Variants in RBMS3 observed in about 807,000 individuals in gnomAD.
The protein encoded by RBMS3 is RNA binding motif single stranded interacting protein 3.
RBMS3 carries 27 observed loss-of-function variants against 66.8 expected under a neutral mutation model. That is an observed-to-expected ratio of 0.40 (90% CI 0.30 to 0.56). The LOEUF (loss-of-function observed/expected upper bound fraction) is 0.56. RBMS3 is among the 20% of genes least tolerant of loss of function. The pLI, the probability that RBMS3 is intolerant of heterozygous loss-of-function variation, is 0.40. For missense variants in RBMS3, 513 were observed against 549.5 expected, an observed-to-expected ratio of 0.93 and a Z score of 0.66; for synonymous variants, 188 against 183.0, an observed-to-expected ratio of 1.03 and a Z score of -0.22.
intron 1 of RBMS3, among the ~76,000 whole-genome samples, chr3:29,363,183 G>A (rs2037704130): frequency 6.6e-6 from 1 of 152,110 alleles, no homozygotes; most frequent in Admixed American, 6.6e-5. Flanking sequence ...CAATCCTTCA[G>A]GAGACTTAGT....
intron 2 of RBMS3, among the ~76,000 whole-genome samples, chr3:29,474,839 G>A (rs2042890107): frequency 6.6e-6 from 1 of 152,198 alleles, no homozygotes; most frequent in Non-Finnish European, 1.5e-5. Flanking sequence ...ATTCTTGGCT[G>A]TTGGAATTGC....
At chr3:29,957,300 A>G (rs1374832920) in intron 12 of RBMS3, among the ~76,000 whole-genome samples, 1 of 152,132 alleles carries the variant, frequency 6.6e-6, no homozygotes, top group East Asian at 1.9e-4. Context: ...ATCCAGCAAC[A>G]TCTGGCCCAT....
intron 3 of RBMS3, among the ~76,000 whole-genome samples, chr3:29,503,106 C>G (rs976511724): frequency 1.3e-5 from 2 of 151,942 alleles, no homozygotes; most frequent in African/African-American, 4.8e-5. Context: ...TGGATGAATC[C>G]AGAGATAAAC....
At chr3:29,911,262 C>A (rs1400643888) in intron 10 of RBMS3, among the ~76,000 whole-genome samples, 1 of 152,022 alleles carries the variant, frequency 6.6e-6, no homozygotes, top group Non-Finnish European at 1.5e-5. Flanking sequence ...GGTTTTGGTC[C>A]TATTCACCAT....
intron 3 of RBMS3, among the ~76,000 whole-genome samples, chr3:29,551,724 C>T (rs558359515): frequency 2.6e-5 from 4 of 152,244 alleles, no homozygotes; most frequent in African/African-American, 7.2e-5. Context: ...AGTAATCTGA[C>T]AATTCAAGTG....
rs1372959928 is a variant in RBMS3 at position 29,403,201 on chromosome 3, A to G, written c.76-31542A>G. On this transcript the variant is annotated intron_variant, in intron 1 of 14. Coordinates refer to ENST00000383767, the MANE Select transcript of RBMS3 (RefSeq NM_001003793.3). Reference sequence around the variant, plus strand: ...CTATAGTTCATTAAGAATTGAATATATATTGAATATATTTTCTTATCTTAG... The same window carrying G: ...CTATAGTTCATTAAGAATTGAATATGTATTGAATATATTTTCTTATCTTAG... Among the ~76,000 whole-genome samples, 11 of 152,108 alleles carry G rather than the reference A, an allele frequency of 7.2e-5. 1 individual carries two copies. The highest frequency in any genetic ancestry group is 5.2e-4 in the Admixed American group (8 of 15,262).
chr3:29,933,661 A>G (rs1350596513), intron 10 of RBMS3, among the ~76,000 whole-genome samples: 1 of 152,100 alleles, frequency 6.6e-6, no homozygotes, highest in East Asian at 1.9e-4. Context: ...TTTTTTATTT[A>G]TGTGCAATAA....
chr3:29,300,808 G>A (rs970813695), intron 1 of RBMS3, among the ~76,000 whole-genome samples: 6 of 152,078 alleles, frequency 3.9e-5, no homozygotes, highest in South Asian at 4.1e-4. Context: ...GATGCAATTC[G>A]TAGAAGGAAG....
At chr3:29,811,496 A>G (rs2057727544) in intron 6 of RBMS3, among the ~76,000 whole-genome samples, 1 of 152,190 alleles carries the variant, frequency 6.6e-6, no homozygotes, top group Non-Finnish European at 1.5e-5. Context: ...CTTGAGATTC[A>G]TTAGTGCAAA....
At chr3:29,854,327 G>C (rs769359832) in intron 6 of RBMS3, among the ~76,000 whole-genome samples, 6 of 152,148 alleles carry the variant, frequency 3.9e-5, no homozygotes, top group Non-Finnish European at 7.3e-5. Flanking sequence ...CTAACTATTT[G>C]TATATATAAC....
intron 6 of RBMS3, among the ~76,000 whole-genome samples, chr3:29,863,575 T>C (rs1157744636): frequency 6.6e-6 from 1 of 152,162 alleles, no homozygotes; most frequent in Admixed American, 6.5e-5. Flanking sequence ...TAACTGCTTA[T>C]ACAGATCCCC....
chr3:29,542,456 G>A (rs2045801460), intron 3 of RBMS3, among the ~76,000 whole-genome samples: 1 of 152,098 alleles, frequency 6.6e-6, no homozygotes, highest in South Asian at 2.1e-4. Context: ...CGCCTCCCGG[G>A]ATCAAGCGAT....
rs1458518467 is a variant in RBMS3 at position 29,739,710 on chromosome 3, C to T, written c.400-10C>T. ...AGAACTTACCATATTTGTTACTTTC[C>T]TTCCCTTAGCAACAAGAGCAAGACC... On this transcript the variant is annotated splice_polypyrimidine_tract_variant and intron_variant, in intron 4 of 14. Coordinates refer to ENST00000383767, the MANE Select transcript of RBMS3 (RefSeq NM_001003793.3). The T allele has an allele frequency of 1.3e-6, 2 of 1,574,902 alleles. No individual in the cohort carries two copies. The highest frequency in any genetic ancestry group is 1.4e-5 in the African/African-American group (1 of 72,868).
chr3:29,529,391 G>A (rs187538036), intron 3 of RBMS3, among the ~76,000 whole-genome samples: 5 of 151,696 alleles, frequency 3.3e-5, no homozygotes, highest in Admixed American at 2.0e-4. Flanking sequence ...TTTGGAGACA[G>A]AAAGAAGGAA....
chr3:29,702,314 C>G (rs2052643160), intron 4 of RBMS3, among the ~76,000 whole-genome samples: 1 of 152,110 alleles, frequency 6.6e-6, no homozygotes, highest in Non-Finnish European at 1.5e-5. Context: ...ACTTTTGTGT[C>G]TAGCTCAGGG....
chr3:29,598,522 G>T (rs886462882), intron 4 of RBMS3, among the ~76,000 whole-genome samples: 1 of 151,972 alleles, frequency 6.6e-6, no homozygotes, highest in Non-Finnish European at 1.5e-5. Flanking sequence ...TTATACAAAA[G>T]TCCTGTTTTT....
chr3:29,875,282 A>G (rs1287878943), intron 7 of RBMS3, among the ~76,000 whole-genome samples: 1 of 152,162 alleles, frequency 6.6e-6, no homozygotes. Flanking sequence ...TGGAACCTGA[A>G]AGAATATGGG....
chr3:29,989,701 T>C (rs2149798289), intron 13 of RBMS3, among the ~76,000 whole-genome samples: 1 of 152,370 alleles, frequency 6.6e-6, no homozygotes, highest in East Asian at 1.9e-4. Flanking sequence ...AAATCTTTCA[T>C]GTGTTCTAGA....
chr3:29,937,179 T>C (rs924064550), intron 11 of RBMS3, among the ~76,000 whole-genome samples: 2 of 152,048 alleles, frequency 1.3e-5, no homozygotes, highest in Non-Finnish European at 2.9e-5. Flanking sequence ...TGTCAATTTT[T>C]GGGAAAATAA....
Sources: allele counts gnomAD v4.1 joint callset (sites outside exome capture counted in the v4.1 genomes callset), GRCh38; gene constraint gnomAD v4.1.1; transcripts MANE v1.5; gene names NCBI Gene and HGNC (gene_info 2026-07-23, HGNC 2026-07-21).